Variants in GPR101 observed in about 807,000 individuals in gnomAD.
GPR101 encodes probable G protein-coupled receptor 101.
GPR101 carries 8 observed loss-of-function variants against 16.4 expected under a neutral mutation model. The observed-to-expected ratio is 0.49, with a 90% CI of 0.29 to 0.88. The LOEUF is 0.88. Ranked by LOEUF, GPR101 falls within the 40% of genes least tolerant of loss-of-function variation. GPR101 has a pLI of 0.09. For synonymous variants in GPR101, 155 were observed against 168.7 expected (o/e 0.92, Z 0.63); for missense variants, 375 against 411.7 (o/e 0.91, Z 0.77).
chrX:137,028,115 C>T lies in GPR101; in HGVS notation c.*2033G>A, dbSNP rs1228949390. Among the ~76,000 whole-genome samples, 4 of 112,399 alleles carry T rather than the reference C, an allele frequency of 3.6e-5. No homozygotes were observed. In the East Asian group the frequency reaches 1.1e-3, roughly 31 times the overall value. ...GAACAAATTTATGACTGTTAATTCA[C>T]TTTATGCATTTTGGTAGAAAAATAA... is the stretch of plus-strand genomic sequence containing the variant. On this transcript the variant is annotated 3_prime_UTR_variant, in exon 2 of 2. Transcript: ENST00000651716.
chrX:137,026,861 G>A lies in GPR101; in HGVS notation c.*3287C>T, dbSNP rs1335193033. Among the ~76,000 whole-genome samples the A allele has an allele frequency of 9.0e-6, 1 of 110,735 alleles. No individual in the cohort carries two copies. The highest frequency in any genetic ancestry group is 2.8e-4 in the East Asian group (1 of 3,575). On this transcript the variant is annotated 3_prime_UTR_variant, in exon 2 of 2. Coordinates refer to ENST00000651716, the MANE Select transcript of GPR101 (RefSeq NM_054021.2). ...ACTTCTCTCCTTCCCTGCTTCCATA[G>A]GCCCCCAGGTCCCTGTGAATCTGTC...
Position 137,030,662 on chromosome X carries a change from C to T in GPR101, c.1013G>A (p.Arg338His), listed in dbSNP as rs148515087. The stretch of plus-strand genomic sequence containing the variant: ...AATGCTGCACTGGTTGACCTCTGTG[C>T]GACCCTTGTCTGCCTTCATGCTGTT... ...EENSMKADKG[R>H]TEVNQCSIDL... The change falls in exon 2 of 2, where the codon CGC becomes CAC. Residue 338 changes from arginine (R) to histidine (H), a missense_variant. Physicochemically the swap from Arg to His is conservative, Grantham distance 29 (BLOSUM62 0). Transcript: ENST00000651716. 1.4e-4 allele frequency: 164 copies of T among 1,209,258 alleles called. No homozygotes were observed. Among genetic ancestry groups the T allele is most frequent in the Middle Eastern group, 2.3e-4 (1 of 4,374 alleles).
Position 137,025,490 on chromosome X carries a change from G to C in GPR101, c.*4658C>G, listed in dbSNP as rs1927157914. On this transcript the variant is annotated 3_prime_UTR_variant, in exon 2 of 2. Coordinates refer to ENST00000651716, the MANE Select transcript of GPR101 (RefSeq NM_054021.2). Reference sequence around the variant, plus strand: ...AAAGTTGTAGCACAGATGAAGAGGGGGGAAAATCCACTCACGTTTGAAACA... The same window carrying C: ...AAAGTTGTAGCACAGATGAAGAGGGCGGAAAATCCACTCACGTTTGAAACA... 8.9e-6 allele frequency among the ~76,000 whole-genome samples: 1 copy of C among 112,252 alleles called. No individual in the cohort carries two copies. Among genetic ancestry groups the C allele is most frequent in the African/African-American group, 3.2e-5 (1 of 30,899 alleles).
Position 137,028,620 on chromosome X carries a change from C to G in GPR101, c.*1528G>C, listed in dbSNP as rs1031019037. ...GACTCTGGAGTTGCTTTAACTTGTT[C>G]TGTAGGAGGATCAAAAACACTGGCT... On this transcript the variant is annotated 3_prime_UTR_variant, in exon 2 of 2. Transcript: ENST00000651716. 8.9e-6 allele frequency among the ~76,000 whole-genome samples: 1 copy of G among 112,116 alleles called. No homozygotes were observed. Among genetic ancestry groups the G allele is most frequent in the African/African-American group, 3.2e-5 (1 of 30,871 alleles).
rs1927188627 is a variant in GPR101, at chrX:137,027,691, A to G, written c.*2457T>C. On this transcript the variant is annotated 3_prime_UTR_variant, in exon 2 of 2. Transcript: ENST00000651716. The stretch of plus-strand genomic sequence containing the variant: ...AATGACTAAAATAGGGAAAAGAGGA[A>G]CTTCAAAAAGGAAAGGGAATCTCAG... Among the ~76,000 whole-genome samples, 1 of 112,288 alleles carries G rather than the reference A, an allele frequency of 8.9e-6. No individual in the cohort carries two copies. The highest frequency in any genetic ancestry group is 3.2e-5 in the African/African-American group (1 of 30,915).
chrX:137,030,782 A>T lies in GPR101; in HGVS notation c.893T>A (p.Val298Glu), dbSNP rs763118989. The change falls in exon 2 of 2, where the codon GTA (valine) becomes GAA (glutamate). Residue 298 changes from valine (V) to glutamate (E), a missense_variant. Val to Glu is a moderately radical substitution (Grantham distance 121). Transcript: ENST00000651716. ...EGSTGTSESS[V>E]EARGSEEVRE... ...GACCTCCTCGCTGCCCCTGGCCTCT[A>T]CACTACTCTCACTGGTCCCCGTGCT... 13 of 1,210,889 alleles carry T rather than the reference A, an allele frequency of 1.1e-5. No homozygotes were observed. In the South Asian group the frequency reaches 1.9e-4, roughly 18 times the overall value.
In GPR101 at chrX:137,031,633, G is replaced by A; in HGVS notation, c.42C>T (p.Ser14=). 2 of 1,197,311 alleles carry A rather than the reference G, an allele frequency of 1.7e-6. No individual in the cohort carries two copies. Among genetic ancestry groups the A allele is most frequent in the Non-Finnish European group, 2.3e-6 (2 of 887,929 alleles). The change falls in exon 2 of 2, where the codon AGC becomes AGT. Residue 14 remains serine (S), a synonymous_variant. Transcript: ENST00000651716. ...TGGAGAGGGGCATGCACGTGTGGCT[G>A]CTGTTACTCTCGCGCGTGCTGTTGG... ...TCTNSTRESN[S]SHTCMPLSKM... is the part of the protein sequence containing the mutation.
chrX:137,031,647 G>T lies in GPR101; in HGVS notation c.28C>A (p.Arg10Ser), dbSNP rs765787376. ...CACGTGTGGCTGCTGTTACTCTCGC[G>T]CGTGCTGTTGGTGCAGGTGGACGTC... MTSTCTNST[R>S]ESNSSHTCMP... Residue 10 changes from arginine (R) to serine (S), a missense_variant, in exon 2 of 2, where the codon CGC becomes AGC. By Grantham distance (110) the Arg-to-Ser change is moderately radical. Transcript: ENST00000651716. The T allele has an allele frequency of 8.4e-7, 1 of 1,193,055 alleles. No individual in the cohort carries two copies. Among genetic ancestry groups the T allele is most frequent in the South Asian group, 1.9e-5 (1 of 53,326 alleles).
At position 137,028,414 on chromosome X, in the gene GPR101, A is replaced by C. The variant is rs1602597761; in HGVS notation, c.*1734T>G. ...GAGGAGGAAGAGATAAAAAAAAATA[A>C]ATGAGCTGGGCATTTATTTAAATGA... On this transcript the variant is annotated 3_prime_UTR_variant, in exon 2 of 2. Transcript: ENST00000651716. Among the ~76,000 whole-genome samples the C allele has an allele frequency of 8.9e-6, 1 of 112,189 alleles. No homozygotes were observed. The highest frequency in any genetic ancestry group is 3.2e-5 in the African/African-American group (1 of 30,947).
In GPR101 at chrX:137,026,332, C is replaced by G. The variant is rs529017531; in HGVS notation, c.*3816G>C. Among the ~76,000 whole-genome samples the G allele has an allele frequency of 3.6e-5, 4 of 112,081 alleles. No homozygotes were observed. Among genetic ancestry groups the G allele is most frequent in the African/African-American group, 1.3e-4 (4 of 30,877 alleles). Reference sequence around the variant, plus strand: ...CAGTCCAGTAGTTTAAATTGTTGCTCATTGTTTTATCCCAACAACCCATGA... The same window carrying G: ...CAGTCCAGTAGTTTAAATTGTTGCTGATTGTTTTATCCCAACAACCCATGA... On this transcript the variant is annotated 3_prime_UTR_variant, in exon 2 of 2. Coordinates refer to ENST00000651716, the MANE Select transcript of GPR101 (RefSeq NM_054021.2).
Position 137,029,774 on chromosome X carries a change from G to C in GPR101, c.*374C>G, listed in dbSNP as rs140038493. On this transcript the variant is annotated 3_prime_UTR_variant, in exon 2 of 2. Transcript: ENST00000651716. The stretch of plus-strand genomic sequence containing the variant: ...CCCATGAGCTCCCGACCCGAGGGCC[G>C]AAAAGTCCTTAAGTTCACAAGCATC... 3.1e-3 allele frequency among the ~76,000 whole-genome samples: 344 copies of C among 112,107 alleles called. No homozygotes were observed. Among genetic ancestry groups the C allele is most frequent in the African/African-American group, 0.01 (320 of 30,871 alleles).
At position 137,030,574 on chromosome X, in the gene GPR101, G is replaced by A. The variant is rs748727629; in HGVS notation, c.1101C>T (p.Val367=). The stretch of plus-strand genomic sequence containing the variant: ...GGCTCTCCGGGATGTTCACTGCCTC[G>A]ACGTCATCCTCACTGAAATTGATGT... ...EDDINFSEDD[V]EAVNIPESLP... is the part of the protein sequence containing the mutation. Residue 367 remains valine, a synonymous_variant, in exon 2 of 2, where the codon GTC becomes GTT. Transcript: ENST00000651716. 9.9e-6 allele frequency: 12 copies of A among 1,211,201 alleles called. No individual in the cohort carries two copies. The highest frequency in any genetic ancestry group is 3.5e-5 in the South Asian group (2 of 56,854).
chrX:137,033,986 T>A lies in GPR101; in HGVS notation c.-277A>T, dbSNP rs1927323324. ...CGCACGTCCGGCCAGCGCGCCGCGC[T>A]GCAAGCTCTGAGAGGCAGCGGGGGC... On this transcript the variant is annotated 5_prime_UTR_variant, in exon 1 of 2. Transcript: ENST00000651716. Among the ~76,000 whole-genome samples, 1 of 111,288 alleles carries A rather than the reference T, an allele frequency of 9.0e-6. No homozygotes were observed. The highest frequency in any genetic ancestry group is 1.9e-5 in the Non-Finnish European group (1 of 52,677).
chrX:137,026,791 G>C lies in GPR101; in HGVS notation c.*3357C>G, dbSNP rs952751295. On this transcript the variant is annotated 3_prime_UTR_variant, in exon 2 of 2. Coordinates refer to ENST00000651716, the MANE Select transcript of GPR101 (RefSeq NM_054021.2). The stretch of plus-strand genomic sequence containing the variant: ...CCCGTCATCTCTAAATTGGATTGGA[G>C]TTGGGTAGGAGACAGAAAAATACCT... Among the ~76,000 whole-genome samples, 3 of 111,276 alleles carry C rather than the reference G, an allele frequency of 2.7e-5. No homozygotes were observed. The highest frequency in any genetic ancestry group is 5.7e-5 in the Non-Finnish European group (3 of 53,089).
rs1393033758 is a variant in GPR101 at position 137,031,724 on chromosome X, G to A, written c.-50C>T. 12 of 1,056,736 alleles carry A rather than the reference G, an allele frequency of 1.1e-5. No homozygotes were observed. The highest frequency in any genetic ancestry group is 3.2e-4 in the Middle Eastern group (1 of 3,153). 87.1% of individuals were successfully genotyped at this position (1,056,736 alleles called of 1,213,427 possible). On this transcript the variant is annotated 5_prime_UTR_variant, in exon 2 of 2. Transcript: ENST00000651716. ...AGGTTGCAGGCTCAGTGCCGGCACC[G>A]GTGGGTGGCAAAGGGGTGCACAGAC... is the stretch of plus-strand genomic sequence containing the variant.
At position 137,027,960 on chromosome X, in the gene GPR101, T is replaced by TC. The variant is rs1486515089; in HGVS notation, c.*2187dup. On this transcript the variant is annotated 3_prime_UTR_variant, in exon 2 of 2. Coordinates refer to ENST00000651716, the MANE Select transcript of GPR101 (RefSeq NM_054021.2). ...AGGATAGGCTATAGCTACCTTGAAC[T>TC]CCTTTGACAATTTGAACAGACCTGA... is the stretch of plus-strand genomic sequence containing the variant. 4.4e-5 allele frequency among the ~76,000 whole-genome samples: 5 copies of TC among 112,463 alleles called. No individual in the cohort carries two copies. Among genetic ancestry groups the TC allele is most frequent in the Admixed American group, 3.8e-4 (4 of 10,627 alleles).
In GPR101 at chrX:137,026,682, C is replaced by CT. The variant is rs35217552; in HGVS notation, c.*3465dup. On this transcript the variant is annotated 3_prime_UTR_variant, in exon 2 of 2. Transcript: ENST00000651716. ...CCCCAATGATGTGTAATATCGAGTG[C>CT]TTTTTTGGTAAAAAATTAGGTGCCT... Among the ~76,000 whole-genome samples the CT allele has an allele frequency of 6.2e-5, 7 of 112,047 alleles. No individual in the cohort carries two copies. Among genetic ancestry groups the CT allele is most frequent in the Non-Finnish European group, 1.3e-4 (7 of 53,208 alleles).
In GPR101 at chrX:137,031,001, A is replaced by G; in HGVS notation, c.674T>C (p.Leu225Pro). The change falls in exon 2 of 2, where the codon CTG (leucine) becomes CCG (proline). Residue 225 changes from leucine (L) to proline (P), a missense_variant. Physicochemically the swap from Leu to Pro is moderately conservative, Grantham distance 98. Transcript: ENST00000651716. ...VFCAARRQHA[L>P]LYNVKRHSLE... ...GCTGTGTCTCTTGACATTGTACAGC[A>G]GAGCATGCTGCCTCCGGGCTGCACA... The G allele has an allele frequency of 1.6e-6, 2 of 1,212,360 alleles. No homozygotes were observed. The highest frequency in any genetic ancestry group is 1.8e-5 in the South Asian group (1 of 57,041).
In GPR101 at chrX:137,024,600, T is replaced by C. The variant is rs1052446428; in HGVS notation, c.*5548A>G. Among the ~76,000 whole-genome samples, 1 of 111,378 alleles carries C rather than the reference T, an allele frequency of 9.0e-6. No homozygotes were observed. Among genetic ancestry groups the C allele is most frequent in the African/African-American group, 3.3e-5 (1 of 30,575 alleles). On this transcript the variant is annotated 3_prime_UTR_variant, in exon 2 of 2. Coordinates refer to ENST00000651716, the MANE Select transcript of GPR101 (RefSeq NM_054021.2). Reference sequence around the variant, plus strand: ...ATAACAAAATCATCTTATAGTTTTCTTTTCTTGTCTGACACAAATTCCATT... The same window carrying C: ...ATAACAAAATCATCTTATAGTTTTCCTTTCTTGTCTGACACAAATTCCATT...
Sources: gnomAD v4.1 joint callset for allele counts (sites outside exome capture counted in the v4.1 genomes callset) on GRCh38, gnomAD v4.1.1 for gene constraint, MANE v1.5 for transcripts, NCBI Gene and HGNC (gene_info 2026-07-23, HGNC 2026-07-21) for gene names.